The following PAM variants were observed in gnomAD, a reference collection of about 807,000 sequenced individuals.
PAM encodes peptidylglycine alpha-amidating monooxygenase.
A neutral mutation model predicts 122.1 loss-of-function variants in PAM; 72 were observed. That is an observed-to-expected ratio of 0.59 (90% CI 0.49 to 0.72). The LOEUF (loss-of-function observed/expected upper bound fraction) is 0.72, where lower values mean the gene tolerates loss of function less well. PAM is among the 30% of genes least tolerant of loss of function. PAM has a pLI of 0.00. For synonymous variants in PAM, 389 were observed against 404.4 expected, an observed-to-expected ratio of 0.96 and a Z score of 0.46; for missense variants, 1,106 against 1,183.7, an observed-to-expected ratio of 0.93 and a Z score of 0.96.
At chr5:102,829,394 T>G (rs1774716068) in intron 1 of PAM, among the ~76,000 whole-genome samples, 1 of 147,868 alleles carries the variant, frequency 6.8e-6, no homozygotes, top group South Asian at 2.1e-4. Context: ...TTTTTTGAGA[T>G]GGAGTCTTGC....
intron 14 of PAM, among the ~76,000 whole-genome samples, chr5:102,973,205 G>A (rs1766476466): frequency 6.6e-6 from 1 of 152,202 alleles, no homozygotes; most frequent in Non-Finnish European, 1.5e-5. Context: ...TGGGTTTGGT[G>A]TAGGAGAGCA....
intron 11 of PAM, 56 bp downstream of exon 11, chr5:102,950,034 A>G: frequency 1.1e-6 from 1 of 898,618 alleles, no homozygotes; most frequent in Non-Finnish European, 1.8e-6. Context: ...GCAGAAAGTA[A>G]TTTTTAAAAA....
intron 1 of PAM, among the ~76,000 whole-genome samples, chr5:102,792,982 C>G (rs1762438670): frequency 6.6e-6 from 1 of 152,028 alleles, no homozygotes; most frequent in Non-Finnish European, 1.5e-5. Context: ...TTTTTTCATT[C>G]CTCTAAAAAA....
At chr5:102,866,384 T>G in intron 2 of PAM, 100 bp downstream of exon 2, 1 of 768,972 alleles carries the variant, frequency 1.3e-6, no homozygotes, top group Non-Finnish European at 2.3e-6. Flanking sequence ...GTTGATGTTC[T>G]TTGCTGGAAT....
At chr5:102,860,315 G>A (rs952735999) in intron 1 of PAM, among the ~76,000 whole-genome samples, 1 of 152,170 alleles carries the variant, frequency 6.6e-6, no homozygotes, top group Non-Finnish European at 1.5e-5. Context: ...TGTTCACAAA[G>A]GGCAAGTGAG....
intron 1 of PAM, among the ~76,000 whole-genome samples, chr5:102,756,437 CTTTG>C (rs1342353370): frequency 6.6e-6 from 1 of 152,160 alleles, no homozygotes; most frequent in Non-Finnish European, 1.5e-5. Context: ...TCTTATTGGA[CTTTG>C]TTTGCTTCAG....
At chr5:102,837,007 T>G (rs1241505326) in intron 1 of PAM, among the ~76,000 whole-genome samples, 2 of 152,112 alleles carry the variant, frequency 1.3e-5, no homozygotes, top group Non-Finnish European at 2.9e-5. Flanking sequence ...GCTCTTTTTC[T>G]TTACAGTAGC....
At chr5:102,755,848 C>T (rs1366335075) in intron 1 of PAM, among the ~76,000 whole-genome samples, 1 of 152,034 alleles carries the variant, frequency 6.6e-6, no homozygotes, top group Non-Finnish European at 1.5e-5. Context: ...GGAGTGGGGG[C>T]GAGTGCCGGG....
intron 16 of PAM, among the ~76,000 whole-genome samples, chr5:102,994,497 A>G (rs942267310): frequency 1.3e-5 from 2 of 152,142 alleles, no homozygotes; most frequent in Admixed American, 6.6e-5. Flanking sequence ...AGAAGTGGTC[A>G]TAGTACCTCA....
intron 15 of PAM, among the ~76,000 whole-genome samples, chr5:102,984,155 A>G (rs2150647074): frequency 6.6e-6 from 1 of 152,296 alleles, no homozygotes; most frequent in East Asian, 1.9e-4. Flanking sequence ...AACCACAATG[A>G]TAAACAATAG....
In PAM at chr5:102,867,368, G is replaced by C; in HGVS notation, c.185G>C (p.Arg62Pro). Residue 62 changes from arginine (R) to proline (P), a missense_variant, in exon 3 of 26, where the codon CGC (arginine) becomes CCC (proline). Around this residue, in one of 3 missense-constraint regions of PAM, gnomAD observed 670 missense variants for 690.3 expected, o/e 0.97. Coordinates refer to ENST00000438793, the MANE Select transcript of PAM (RefSeq NM_001177306.2). ...TCATCAGATTTTGCATTGGATATTC[G>C]CATGCCTGGGGTTACACCTAAACAG... ...IDSSDFALDI[R>P]MPGVTPKQSD... is the part of the protein sequence containing the mutation. 1 of 1,607,546 alleles carries C rather than the reference G, an allele frequency of 6.2e-7. No individual in the cohort carries two copies. The highest frequency in any genetic ancestry group is 8.5e-7 in the Non-Finnish European group (1 of 1,174,420).
intron 1 of PAM, among the ~76,000 whole-genome samples, chr5:102,784,519 A>C (rs1581034041): frequency 6.6e-6 from 1 of 152,318 alleles, no homozygotes; most frequent in South Asian, 2.1e-4. Context: ...TCATTACCTT[A>C]AACTCTGATT....
intron 7 of PAM, among the ~76,000 whole-genome samples, chr5:102,935,677 G>C (rs773116539): frequency 3.9e-5 from 6 of 152,062 alleles, no homozygotes; most frequent in Non-Finnish European, 7.4e-5. Flanking sequence ...GCCTGCACTA[G>C]ATGTTTTCAC....
At chr5:102,822,012 T>C (rs1309603182) in intron 1 of PAM, among the ~76,000 whole-genome samples, 1 of 152,128 alleles carries the variant, frequency 6.6e-6, no homozygotes, top group Admixed American at 6.5e-5. Flanking sequence ...GTAAGATAAT[T>C]ATTTACCCAA....
intron 3 of PAM, among the ~76,000 whole-genome samples, chr5:102,877,056 C>T (rs954078529): frequency 6.6e-6 from 1 of 152,188 alleles, no homozygotes; most frequent in Admixed American, 6.5e-5. Context: ...ATTATAGATA[C>T]AAAACAAATC....
chr5:103,021,132 A>C lies in PAM; in HGVS notation c.2485+1289A>C, dbSNP rs548928588. On this transcript the variant is annotated intron_variant, in intron 23 of 25. Transcript: ENST00000438793. ...TTATGCCAACCATGTAATAACTGCT[A>C]TTATCCCCATTTTACATATGAGGAA... Among the ~76,000 whole-genome samples the C allele has an allele frequency of 1.6e-4, 25 of 152,294 alleles. No individual in the cohort carries two copies. The South Asian group carries it at 4.4e-3, about 27-fold the overall frequency.
At position 102,925,071 on chromosome 5, in the gene PAM, T is replaced by G. The variant is rs749543332; in HGVS notation, c.442+29T>G. The G allele has an allele frequency of 1.4e-5, 15 of 1,040,526 alleles. 2 individuals are homozygous for G. In the South Asian group the frequency reaches 1.9e-4, roughly 13 times the overall value. 64.5% of individuals were successfully genotyped at this position (1,040,526 alleles called of 1,614,324 possible). A position where few individuals can be genotyped will look rare whatever the true frequency, so the allele number is the denominator to read the frequency against. On this transcript the variant is annotated intron_variant, in intron 6 of 25. Transcript: ENST00000438793. The stretch of plus-strand genomic sequence containing the variant: ...TGTCAGAGCCTCTTGGGTGGTCTTA[T>G]GTTCAGCTGCTTAATTTCTGTTTCC...
At chr5:102,952,079 G>A (rs1420475953) in intron 12 of PAM, among the ~76,000 whole-genome samples, 3 of 151,992 alleles carry the variant, frequency 2.0e-5, no homozygotes, top group South Asian at 2.1e-4. Flanking sequence ...AATGCCCCAG[G>A]TTATGTTATT....
chr5:103,017,341 A>G lies in PAM; in HGVS notation c.2339A>G (p.Asp780Gly). ...DIFKPVRKHFDMPHDIVASED... is the reference protein window; with the variant it reads ...DIFKPVRKHFGMPHDIVASED... ...AGCTTCTTATTTTGGCAGCACTTTGATATGCCTCATGATATTGTTGCATCT... is the reference window on the plus strand; with the variant it reads ...AGCTTCTTATTTTGGCAGCACTTTGGTATGCCTCATGATATTGTTGCATCT... Residue 780 changes from aspartate to glycine, a missense_variant, in exon 22 of 26, where the codon GAT becomes GGT. Physicochemically the swap from Asp to Gly is moderately conservative, Grantham distance 94 (BLOSUM62 -1). Coordinates refer to ENST00000438793, the MANE Select transcript of PAM (RefSeq NM_001177306.2). 1 of 1,604,372 alleles carries G rather than the reference A, an allele frequency of 6.2e-7. No homozygotes were observed. Among genetic ancestry groups the G allele is most frequent in the Non-Finnish European group, 8.5e-7 (1 of 1,171,354 alleles).
Sources: gnomAD v4.1 joint callset for allele counts (sites outside exome capture counted in the v4.1 genomes callset) on GRCh38, gnomAD v4.1.1 for gene constraint, gnomAD v4.1.1 regional missense constraint, MANE v1.5 for transcripts, NCBI Gene and HGNC (gene_info 2026-07-23, HGNC 2026-07-21) for gene names.